Variants in COL23A1 observed in about 807,000 individuals in gnomAD.
The protein encoded by COL23A1 is collagen type XXIII alpha 1 chain.
In COL23A1, 97 loss-of-function variants were observed where a neutral mutation model predicts 99.3. That is an observed-to-expected ratio of 0.98 (90% CI 0.83 to 1.16). COL23A1 has a LOEUF of 1.16. Among genes scored for constraint, COL23A1 ranks in the 50% most tolerant of loss-of-function variants. The pLI, the probability that COL23A1 is intolerant of heterozygous loss-of-function variation, is 0.00. For synonymous variants in COL23A1, 320 were observed against 308.2 expected (o/e 1.04, Z -0.40); for missense variants, 762 against 757.4 (o/e 1.01, Z -0.07).
At chr5:178,482,022 T>TAAA (rs35849475) in intron 2 of COL23A1, among the ~76,000 whole-genome samples, 3 of 144,296 alleles carry the variant, frequency 2.1e-5, no homozygotes, top group Admixed American at 6.9e-5. Flanking sequence ...AAAGTATAAT[T>TAAA]AAAAAAAAAA....
At chr5:178,295,326 A>T (rs1757682633) in intron 3 of COL23A1, among the ~76,000 whole-genome samples, 1 of 152,264 alleles carries the variant, frequency 6.6e-6, no homozygotes, top group Non-Finnish European at 1.5e-5. Flanking sequence ...ATGAATGAAG[A>T]GATCACAGAA....
At chr5:178,329,585 C>G (rs1294209537) in intron 2 of COL23A1, among the ~76,000 whole-genome samples, 1 of 152,212 alleles carries the variant, frequency 6.6e-6, no homozygotes, top group Non-Finnish European at 1.5e-5. Flanking sequence ...CCGAGTCACA[C>G]CTGTCCCCTC....
rs1334570034 is a variant in COL23A1, at chr5:178,286,836, G to C, written c.441+1488C>G. On this transcript the variant is annotated intron_variant, in intron 5 of 28. Coordinates refer to ENST00000390654, the MANE Select transcript of COL23A1 (RefSeq NM_173465.4). ...CCGATGCTCGAGGCTGGTGGGGAAC[G>C]GACCGGACCGCTGGGTCACTTTGCT... 3.3e-5 allele frequency among the ~76,000 whole-genome samples: 5 copies of C among 152,168 alleles called. No individual in the cohort carries two copies. The East Asian group carries it at 5.8e-4, about 18-fold the overall frequency.
chr5:178,296,771 G>T (rs767768898), intron 3 of COL23A1, among the ~76,000 whole-genome samples: 1 of 152,076 alleles, frequency 6.6e-6, no homozygotes, highest in African/African-American at 2.4e-5. Flanking sequence ...GACTGATCTC[G>T]TTGCTCGTGG....
intron 2 of COL23A1, among the ~76,000 whole-genome samples, chr5:178,322,841 T>C (rs1759403762): frequency 6.6e-6 from 1 of 152,148 alleles, no homozygotes; most frequent in South Asian, 2.1e-4. Flanking sequence ...AACACAGGCA[T>C]GCACCACAAC....
At chr5:178,534,166 G>C (rs912301093) in intron 2 of COL23A1, among the ~76,000 whole-genome samples, 67 of 152,152 alleles carry the variant, frequency 4.4e-4, no homozygotes, top group Non-Finnish European at 1.3e-4. Context: ...CTGGAGGCTG[G>C]GAAGTCCAAG....
intron 1 of COL23A1, among the ~76,000 whole-genome samples, chr5:178,585,752 T>TGGCGCTG (rs1562115800): frequency 5.5e-4 from 3 of 5,498 alleles, no homozygotes; most frequent in Admixed American, 2.6e-3. Flanking sequence ...CTGACCCTGT[T>TGGCGCTG]GGTTGCTCCC....
intron 2 of COL23A1, among the ~76,000 whole-genome samples, chr5:178,386,622 G>T (rs1342283051): frequency 2.0e-5 from 3 of 152,060 alleles, no homozygotes; most frequent in Non-Finnish European, 2.9e-5. Flanking sequence ...TAAAGTGGGG[G>T]TCTGTTTTCC....
intron 2 of COL23A1, among the ~76,000 whole-genome samples, chr5:178,368,893 C>A (rs547438529): frequency 6.6e-6 from 1 of 152,274 alleles, no homozygotes; most frequent in Admixed American, 6.5e-5. Flanking sequence ...GATATGCCCA[C>A]GTCCCTGCAC....
chr5:178,254,112 C>T (rs1411299685), intron 16 of COL23A1, among the ~76,000 whole-genome samples: 1 of 151,964 alleles, frequency 6.6e-6, no homozygotes, highest in Non-Finnish European at 1.5e-5. Context: ...TGCAGTGAGC[C>T]GAGATCACAC....
intron 21 of COL23A1, 96 bp downstream of exon 21, chr5:178,247,679 C>T: frequency 6.5e-7 from 1 of 1,547,920 alleles, no homozygotes; most frequent in Non-Finnish European, 8.9e-7. Context: ...ACGAAGAAGC[C>T]CGCTCTCTCC....
Position 178,366,786 on chromosome 5 carries a change from G to A in COL23A1, c.362-59867C>T, listed in dbSNP as rs1762507444. Among the ~76,000 whole-genome samples, 1 of 152,176 alleles carries A rather than the reference G, an allele frequency of 6.6e-6. No homozygotes were observed. The highest frequency in any genetic ancestry group is 6.6e-5 in the Admixed American group (1 of 15,266). On this transcript the variant is annotated intron_variant, in intron 2 of 28. Transcript: ENST00000390654. This position sits in a 1 kb window ranked among gnomAD's most constrained non-coding sequence, Gnocchi z 4.4. ...GGTCTAAATCATTATCTATTGCTGA[G>A]GCTCACAGCAGATGTCGCCTCTTCC...
At chr5:178,440,174 G>A (rs4618447) in intron 2 of COL23A1, among the ~76,000 whole-genome samples, 17,376 of 152,092 alleles carry the variant, frequency 0.11, 2,279 homozygotes, top group East Asian at 0.36. Context: ...AAATAAAGCT[G>A]TTAAAAAAAC....
chr5:178,474,387 T>C (rs1475931994), intron 2 of COL23A1, among the ~76,000 whole-genome samples: 1 of 152,236 alleles, frequency 6.6e-6, no homozygotes, highest in Non-Finnish European at 1.5e-5. Context: ...GGGCTACATA[T>C]AAAATAAATG....
intron 5 of COL23A1, among the ~76,000 whole-genome samples, chr5:178,286,533 G>T (rs539405352): frequency 1.3e-5 from 2 of 152,198 alleles, no homozygotes; most frequent in African/African-American, 4.8e-5. Context: ...CCCGGGTTTG[G>T]CCTGGCTCGC....
chr5:178,461,698 G>C (rs1464693169), intron 2 of COL23A1, among the ~76,000 whole-genome samples: 10 of 152,178 alleles, frequency 6.6e-5, no homozygotes, highest in Non-Finnish European at 1.2e-4. Flanking sequence ...ACAAGGTAGA[G>C]AACCATATTC....
At chr5:178,524,209 CCTT>C (rs1270682253) in intron 2 of COL23A1, among the ~76,000 whole-genome samples, 1 of 152,192 alleles carries the variant, frequency 6.6e-6, no homozygotes, top group African/African-American at 2.4e-5. Context: ...AGGGCTCTCT[CCTT>C]CCCCATCTGT....
chr5:178,292,880 C>T (rs935746946), intron 3 of COL23A1, among the ~76,000 whole-genome samples: 1 of 152,110 alleles, frequency 6.6e-6, no homozygotes, highest in Admixed American at 6.6e-5. Context: ...ATCAAGAAGT[C>T]CTGGAAGCAA....
chr5:178,473,886 C>T (rs937581835), intron 2 of COL23A1, among the ~76,000 whole-genome samples: 12 of 152,164 alleles, frequency 7.9e-5, no homozygotes, highest in Non-Finnish European at 1.5e-4. Context: ...AACAACCAGA[C>T]CAGATTATGA....
Sources: gnomAD v4.1 joint callset for allele counts (sites outside exome capture counted in the v4.1 genomes callset) on GRCh38, gnomAD v4.1.1 for gene constraint, Gnocchi (gnomAD v3.1) non-coding constraint, MANE v1.5 for transcripts, NCBI Gene and HGNC (gene_info 2026-07-23, HGNC 2026-07-21) for gene names.